ITGA10: variants seen among roughly 807,000 people sequenced by gnomAD.
ITGA10 encodes integrin subunit alpha 10, also known as integrin alpha-10.
A neutral mutation model predicts 145.2 loss-of-function variants in ITGA10; 105 were observed. That is an observed-to-expected ratio of 0.72 (90% CI 0.62 to 0.85). ITGA10 has a LOEUF of 0.85. Among genes scored for constraint, ITGA10 ranks in the 40% least tolerant of loss-of-function variants. ITGA10 has a pLI of 0.00. For synonymous variants in ITGA10, 506 were observed against 557.8 expected, an observed-to-expected ratio of 0.91 and a Z score of 1.31; for missense variants, 1,317 against 1,444.5, an observed-to-expected ratio of 0.91 and a Z score of 1.43.
At chr1:145,898,353 A>G (rs1428423889) in intron 17 of ITGA10, 130 bp from the exon 18 acceptor site, 3 of 396,980 alleles carry the variant, frequency 7.6e-6, no homozygotes, top group Non-Finnish European at 1.4e-5. Context: ...AATTTAATTA[A>G]TTAGTTAATT....
At chr1:145,898,380 TA>T (rs1280037099) in intron 17 of ITGA10, among the ~76,000 whole-genome samples, 157 bp from the exon 18 acceptor site, 1 of 152,154 alleles carries the variant, frequency 6.6e-6, no homozygotes. Context: ...TTTATTTATT[TA>T]TTTTTGAGAC....
At chr1:145,896,634 T>C (rs587711173) in intron 23 of ITGA10, 135 bp downstream of exon 23, 27 of 767,118 alleles carry the variant, frequency 3.5e-5, no homozygotes, top group East Asian at 2.5e-4. Context: ...ATGAATAGGA[T>C]TGAGGGCAAA....
At chr1:145,908,834 C>T (rs903956764) in intron 1 of ITGA10, among the ~76,000 whole-genome samples, 2 of 152,078 alleles carry the variant, frequency 1.3e-5, no homozygotes, top group African/African-American at 4.8e-5. Flanking sequence ...GTTAGATAAA[C>T]CCAGAGTTCT....
In ITGA10 at chr1:145,896,058, G is replaced by C. The variant is rs201845976; in HGVS notation, c.2958C>G (p.Ile986Met). The C allele has an allele frequency of 9.1e-5, 147 of 1,614,168 alleles. 1 individual carries two copies. The highest frequency in any genetic ancestry group is 2.0e-4 in the Admixed American group (12 of 60,030). The change falls in exon 25 of 30, where the codon ATC (isoleucine) becomes ATG (methionine). Residue 986 changes from isoleucine to methionine, a missense_variant. Physicochemically the swap from Ile to Met is conservative, Grantham distance 10. Transcript: ENST00000369304. The part of the protein sequence containing the change: ...NLGCYVVSGL[I>M]ISALLPAVAH... Reference sequence around the variant, plus strand: ...CCACAGCTGGAAGGAGGGCTGAGATGATGAGGCCACTGACCACATAGCAGC... The same window carrying C: ...CCACAGCTGGAAGGAGGGCTGAGATCATGAGGCCACTGACCACATAGCAGC...
rs1489939935 is a variant in ITGA10, at chr1:145,901,521, C to A, written c.1438G>T (p.Glu480Ter). 39 of 1,568,060 alleles carry A rather than the reference C, an allele frequency of 2.5e-5. No individual in the cohort carries two copies. Among genetic ancestry groups the A allele is most frequent in the South Asian group, 3.6e-5 (3 of 83,890 alleles). ...AVRVAQSLQG[E>*]QIGSYFGSEL... ...CCCTTCCTTGGATGCCCTACCTGCT[C>A]CCCCTGGAGGCTCTGGGCAACCCTC... Residue 480 changes from glutamate to a stop codon, truncating the protein, a stop_gained, in exon 12 of 30, where the codon GAG (glutamate) becomes TAG (stop). Transcript: ENST00000369304. LOFTEE classifies it high-confidence loss of function. This position sits in a 1 kb window ranked among gnomAD's most constrained non-coding sequence, Gnocchi z 4.3.
At chr1:145,893,406 G>T in intron 28 of ITGA10, 132 bp from the exon 29 acceptor site, 2 of 939,260 alleles carry the variant, frequency 2.1e-6, no homozygotes, top group Non-Finnish European at 3.4e-6. Flanking sequence ...ACTGAGGCAG[G>T]AATGGCGGCA....
intron 6 of ITGA10, 62 bp downstream of exon 6, chr1:145,904,622 A>G (rs1396769573): frequency 1.3e-6 from 2 of 1,584,578 alleles, no homozygotes; most frequent in Non-Finnish European, 1.7e-6. Context: ...GGATCCTCCC[A>G]CCTCCACCTC....
chr1:145,907,675 C>T (rs1553751838), intron 1 of ITGA10: 3 of 845,994 alleles, frequency 3.5e-6, no homozygotes, highest in Non-Finnish European at 4.3e-6. Flanking sequence ...TAAACTGTGG[C>T]CCTCTGCCAT....
chr1:145,900,444 T>C (rs1346814981), intron 14 of ITGA10, among the ~76,000 whole-genome samples: 1 of 152,058 alleles, frequency 6.6e-6, no homozygotes, highest in Non-Finnish European at 1.5e-5. Flanking sequence ...ATTTTTTGTA[T>C]TTTTAGTAGA....
At position 145,901,440 on chromosome 1, in the gene ITGA10, C is replaced by T. The variant is rs1656301362; in HGVS notation, c.1443+76G>A. 1.3e-6 allele frequency: 2 copies of T among 1,498,298 alleles called. No homozygotes were observed. The highest frequency in any genetic ancestry group is 4.6e-5 in the East Asian group (2 of 43,542). 92.8% of individuals were successfully genotyped at this position (1,498,298 alleles called of 1,614,324 possible). ...ACAGACTTTGGAGGCCTCTCTCTTA[C>T]CCACTTCACACTCCTCCCCAACAGC... is the stretch of plus-strand genomic sequence containing the variant. On this transcript the variant is annotated intron_variant, in intron 12 of 29. Transcript: ENST00000369304. This position sits in a 1 kb window ranked among gnomAD's most constrained non-coding sequence, Gnocchi z 4.3.
chr1:145,901,344 G>A lies in ITGA10; in HGVS notation c.1444-66C>T. 1 of 1,583,216 alleles carries A rather than the reference G, an allele frequency of 6.3e-7. No individual in the cohort carries two copies. Among genetic ancestry groups the A allele is most frequent in the African/African-American group, 1.3e-5 (1 of 74,542 alleles). On this transcript the variant is annotated intron_variant, in intron 12 of 29. Coordinates refer to ENST00000369304, the MANE Select transcript of ITGA10 (RefSeq NM_003637.5). The surrounding 1 kb of genome is among the most constrained non-coding windows in gnomAD (Gnocchi z 4.3). ...AGGTAACTGTAGACAAGTGGACTCA[G>A]TGGGAAGCACTCACCAGCCTGCTAG...
rs147270843 is a variant in ITGA10 at position 145,900,954 on chromosome 1, G to A, written c.1627C>T (p.Pro543Ser). The change falls in exon 14 of 30, where the codon CCC (proline) becomes TCC (serine). Residue 543 changes from proline (P) to serine (S), a missense_variant. Transcript: ENST00000369304. ...AAGCCAAACCGAGCATCCTGGGGGGGTTCTGGCTGAAGTGTTCCTTGGAGG... is the reference window on the plus strand; with the variant it reads ...AAGCCAAACCGAGCATCCTGGGGGGATTCTGGCTGAAGTGTTCCTTGGAGG... ...LTLQGTLQPE[P>S]PQDARFGFAM... The A allele has an allele frequency of 5.5e-5, 89 of 1,614,036 alleles. No homozygotes were observed. The highest frequency in any genetic ancestry group is 7.4e-5 in the Non-Finnish European group (87 of 1,180,042).
chr1:145,902,511 C>T lies in ITGA10; in HGVS notation c.1018G>A (p.Glu340Lys). 6.2e-7 allele frequency: 1 copy of T among 1,613,902 alleles called. No individual in the cohort carries two copies. Among genetic ancestry groups the T allele is most frequent in the Non-Finnish European group, 8.5e-7 (1 of 1,179,902 alleles). ...DERFFFNVTDEAALTDIVDAL... is the reference protein window; with the variant it reads ...DERFFFNVTDKAALTDIVDAL... ...TCCACAATGTCAGTCAGAGCAGCCTCATCTGTGACATTGAAGAAGAATCGC... is the reference window on the plus strand; with the variant it reads ...TCCACAATGTCAGTCAGAGCAGCCTTATCTGTGACATTGAAGAAGAATCGC... The change falls in exon 9 of 30, where the codon GAG becomes AAG. Residue 340 changes from glutamate to lysine, a missense_variant. Glu to Lys is a moderately conservative substitution (Grantham distance 56). Transcript: ENST00000369304.
chr1:145,905,069 C>CA lies in ITGA10; in HGVS notation c.482-259_482-258insT, dbSNP rs1553750632. Among the ~76,000 whole-genome samples the CA allele has an allele frequency of 4.5e-3, 688 of 151,670 alleles. 5 individuals are homozygous for CA. The highest frequency in any genetic ancestry group is 0.028 in the South Asian group (133 of 4,800). ...ATATATAGGTATATAAACACACACACCTACACATTTATATACATAGATATA... is the reference window on the plus strand; with the variant it reads ...ATATATAGGTATATAAACACACACACACTACACATTTATATACATAGATATA... On this transcript the variant is annotated intron_variant, in intron 5 of 29. Transcript: ENST00000369304.
In ITGA10 at chr1:145,896,800, T is replaced by A. The variant is rs782575299; in HGVS notation, c.2803A>T (p.Ile935Phe). Residue 935 changes from isoleucine to phenylalanine, a missense_variant, in exon 23 of 30, where the codon ATC (isoleucine) becomes TTC (phenylalanine). Coordinates refer to ENST00000369304, the MANE Select transcript of ITGA10 (RefSeq NM_003637.5). ...AACAGGAGGTGGGGCTCATATTGGA[T>A]GTAGGCTGAGGTCTGGGCTGTGTTA... ...QDNTAQTSAY[I>F]QYEPHLLFSS... The A allele has an allele frequency of 3.1e-6, 5 of 1,613,974 alleles. No individual in the cohort carries two copies. The South Asian group carries it at 5.5e-5, about 18-fold the overall frequency.
chr1:145,892,928 A>C, intron 29 of ITGA10, 65 bp from the exon 30 acceptor site: 1 of 1,265,206 alleles, frequency 7.9e-7, no homozygotes, highest in Admixed American at 1.7e-5. Context: ...AGTAGCTCTC[A>C]GACTTATCTG....
chr1:145,899,103 G>A (rs1553746697), intron 16 of ITGA10, 25 bp from the exon 17 acceptor site: 5 of 1,614,146 alleles, frequency 3.1e-6, no homozygotes, highest in Non-Finnish European at 4.2e-6. Flanking sequence ...CAAGAGTGAG[G>A]GTGGAAAGGG....
chr1:145,895,208 C>T, intron 27 of ITGA10, 72 bp downstream of exon 27: 2 of 1,115,680 alleles, frequency 1.8e-6, no homozygotes, highest in Middle Eastern at 2.0e-4. Flanking sequence ...GTGGGTCTGT[C>T]TACCTCCAAA....
At position 145,893,267 on chromosome 1, in the gene ITGA10, A is replaced by G. The variant is rs1654939387; in HGVS notation, c.3332T>C (p.Leu1111Ser). The G allele has an allele frequency of 6.2e-7, 1 of 1,611,620 alleles. No individual in the cohort carries two copies. Among genetic ancestry groups the G allele is most frequent in the Non-Finnish European group, 8.5e-7 (1 of 1,177,828 alleles). ...GATAGGCCGGGTCTGAACCACCTCC[A>G]AGAGGCTCTGCGTGGACAGAAGAGT... ...TEASRWSESL[L>S]EVVQTRPILI... The change falls in exon 29 of 30, where the codon TTG (leucine) becomes TCG (serine). Residue 1111 changes from leucine (L) to serine (S), a missense_variant. Physicochemically the swap from Leu to Ser is moderately radical, Grantham distance 145 (BLOSUM62 -2). Transcript: ENST00000369304.
Sources: allele counts gnomAD v4.1 joint callset (sites outside exome capture counted in the v4.1 genomes callset), GRCh38; gene constraint gnomAD v4.1.1; non-coding constraint Gnocchi (gnomAD v3.1); transcripts MANE v1.5; gene names NCBI Gene and HGNC (gene_info 2026-07-23, HGNC 2026-07-21).